CLSTN2: variants seen among roughly 807,000 people sequenced by gnomAD.
CLSTN2 encodes the protein calsyntenin 2, also known as calsyntenin-2.
Under a neutral mutation model 101.2 loss-of-function variants are expected in CLSTN2, and 48 were observed. The ratio of observed to expected loss-of-function variants is 0.47; its 90% CI spans 0.38 to 0.60. The LOEUF (loss-of-function observed/expected upper bound fraction) is 0.60, where lower values mean the gene tolerates loss of function less well. CLSTN2 is among the 20% of genes least tolerant of loss of function. The pLI, the probability that CLSTN2 is intolerant of heterozygous loss-of-function variation, is 0.00. For missense variants in CLSTN2, 1,160 were observed against 1,238.2 expected (o/e 0.94, Z 0.95); for synonymous variants, 481 against 463.6 (o/e 1.04, Z -0.48).
intron 2 of CLSTN2, among the ~76,000 whole-genome samples, chr3:140,234,657 C>A (rs1039148441): frequency 6.6e-6 from 1 of 152,142 alleles, no homozygotes; most frequent in Non-Finnish European, 1.5e-5. Context: ...TGCTTGCTTT[C>A]GTTCATGCTA....
At chr3:139,936,038 T>G (rs1255426354) in intron 1 of CLSTN2, among the ~76,000 whole-genome samples, 1 of 151,910 alleles carries the variant, frequency 6.6e-6, no homozygotes, top group African/African-American at 2.4e-5. Context: ...GGCGGCGGGG[T>G]CCGGAAGAAG....
At position 140,532,317 on chromosome 3, in the gene CLSTN2, T is replaced by A; in HGVS notation, c.1345-7T>A. The A allele has an allele frequency of 6.3e-7, 1 of 1,589,686 alleles. No homozygotes were observed. Among genetic ancestry groups the A allele is most frequent in the Non-Finnish European group, 8.6e-7 (1 of 1,165,578 alleles). ...TTTTAAATGTTGCTTCTCTTTCCTT[T>A]TCTTAGATTTGTGACAAAGAGTGGC... is the stretch of plus-strand genomic sequence containing the variant. On this transcript the variant is annotated splice_polypyrimidine_tract_variant and splice_region_variant and intron_variant, in intron 8 of 16. Transcript: ENST00000458420.
chr3:140,218,760 G>A (rs1039164252), intron 2 of CLSTN2, among the ~76,000 whole-genome samples: 2 of 152,200 alleles, frequency 1.3e-5, no homozygotes, highest in African/African-American at 4.8e-5. Context: ...AACCTGGAGC[G>A]AAGTTAGTGT....
At chr3:140,057,877 A>C (rs1023348670) in intron 1 of CLSTN2, among the ~76,000 whole-genome samples, 2 of 152,240 alleles carry the variant, frequency 1.3e-5, no homozygotes, top group African/African-American at 4.8e-5. Context: ...TTTAAGCAGG[A>C]ACTCAAGAAC....
chr3:140,488,638 C>CTTT (rs66504085), intron 8 of CLSTN2, among the ~76,000 whole-genome samples: 15 of 73,706 alleles, frequency 2.0e-4, no homozygotes, highest in East Asian at 4.3e-4. Flanking sequence ...TTAATACGTG[C>CTTT]TTTTTTTTTT....
At chr3:140,555,818 G>A (rs1935780328) in intron 10 of CLSTN2, among the ~76,000 whole-genome samples, 1 of 152,176 alleles carries the variant, frequency 6.6e-6, no homozygotes, top group East Asian at 1.9e-4. Flanking sequence ...TCCAGCTTGA[G>A]TACCCAAGTG....
At chr3:140,270,509 A>AAACCACATG (rs2086732510) in intron 2 of CLSTN2, among the ~76,000 whole-genome samples, 1 of 152,136 alleles carries the variant, frequency 6.6e-6, no homozygotes, top group African/African-American at 2.4e-5. Context: ...TAAGAATGGA[A>AAACCACATG]AACCACATGT....
chr3:140,000,902 G>A (rs1338295229), intron 1 of CLSTN2, among the ~76,000 whole-genome samples: 8 of 152,088 alleles, frequency 5.3e-5, no homozygotes, highest in African/African-American at 1.9e-4. Flanking sequence ...CAGTATTAGG[G>A]GCCTTTATTT....
chr3:139,937,018 A>C (rs1013089948), intron 1 of CLSTN2, among the ~76,000 whole-genome samples: 1 of 152,132 alleles, frequency 6.6e-6, no homozygotes, highest in African/African-American at 2.4e-5. Context: ...TGGTGAAGAC[A>C]AGAATAAAAA....
At chr3:140,315,735 C>A (rs903267285) in intron 2 of CLSTN2, among the ~76,000 whole-genome samples, 8 of 152,166 alleles carry the variant, frequency 5.3e-5, no homozygotes, top group African/African-American at 1.7e-4. Flanking sequence ...CAGGAGGACC[C>A]AAATGCCTTT....
chr3:140,428,161 C>CTGTT (rs1310938525), intron 5 of CLSTN2, among the ~76,000 whole-genome samples: 1 of 152,086 alleles, frequency 6.6e-6, no homozygotes, highest in Non-Finnish European at 1.5e-5. Context: ...TGGGGTTTTT[C>CTGTT]TGTTTGTTTG....
chr3:140,423,523 AT>A, intron 5 of CLSTN2, among the ~76,000 whole-genome samples: 2 of 152,354 alleles, frequency 1.3e-5, no homozygotes, highest in Middle Eastern at 3.4e-3. Context: ...GGGCACAGTG[AT>A]TTAAACACAT....
chr3:140,418,513 C>CTTT (rs1051422077), intron 4 of CLSTN2, among the ~76,000 whole-genome samples: 1 of 42,124 alleles, frequency 2.4e-5, no homozygotes, highest in African/African-American at 4.8e-4. Flanking sequence ...TTCTTTCTTT[C>CTTT]TTTCTTTTTT....
intron 2 of CLSTN2, among the ~76,000 whole-genome samples, chr3:140,252,807 G>A (rs1404548484): frequency 1.3e-5 from 2 of 152,174 alleles, no homozygotes; most frequent in East Asian, 3.9e-4. Flanking sequence ...GTTCTTCAAG[G>A]AAAGTAGCTC....
At chr3:140,119,295 C>T (rs941031879) in intron 1 of CLSTN2, among the ~76,000 whole-genome samples, 1 of 152,156 alleles carries the variant, frequency 6.6e-6, no homozygotes, top group African/African-American at 2.4e-5. Flanking sequence ...AATGAGCTCC[C>T]GTTGTCTATA....
intron 2 of CLSTN2, among the ~76,000 whole-genome samples, chr3:140,203,939 G>C (rs1000580506): frequency 3.9e-5 from 6 of 152,156 alleles, no homozygotes; most frequent in Admixed American, 3.9e-4. Context: ...GTCTCTCCAG[G>C]GTCTTGGTTA....
intron 1 of CLSTN2, among the ~76,000 whole-genome samples, chr3:139,936,972 C>T (rs1368212771): frequency 6.6e-6 from 1 of 151,832 alleles, no homozygotes; most frequent in African/African-American, 2.4e-5. Context: ...AAAGAAGTGG[C>T]TGATATGAAG....
At chr3:140,302,687 T>A (rs930491458) in intron 2 of CLSTN2, among the ~76,000 whole-genome samples, 12 of 152,232 alleles carry the variant, frequency 7.9e-5, no homozygotes, top group African/African-American at 2.9e-4. Context: ...AAGGTTGGAA[T>A]GGTTGGGGAT....
chr3:140,211,241 A>T (rs1357988452), intron 2 of CLSTN2, among the ~76,000 whole-genome samples: 1 of 151,736 alleles, frequency 6.6e-6, no homozygotes, highest in African/African-American at 2.4e-5. Context: ...ATAAAATAAG[A>T]TCTTCAGATT....
Sources: gnomAD v4.1 joint callset for allele counts (sites outside exome capture counted in the v4.1 genomes callset) on GRCh38, gnomAD v4.1.1 for gene constraint, MANE v1.5 for transcripts, NCBI Gene and HGNC (gene_info 2026-07-23, HGNC 2026-07-21) for gene names.